CCSER1: variants seen among roughly 807,000 people sequenced by gnomAD.
CCSER1 encodes coiled-coil serine rich protein 1.
Under a neutral mutation model 82.0 loss-of-function variants are expected in CCSER1, and 41 were observed. The observed-to-expected ratio is 0.50, with a 90% CI of 0.39 to 0.65. The LOEUF is 0.65. CCSER1 is among the 30% of genes least tolerant of loss of function. The pLI is 0.00. For synonymous variants in CCSER1, 414 were observed against 383.9 expected (o/e 1.08, Z -0.92); for missense variants, 1,119 against 1,064.2 (o/e 1.05, Z -0.72).
intron 3 of CCSER1, among the ~76,000 whole-genome samples, chr4:90,390,943 G>A (rs1314322213): frequency 1.3e-5 from 2 of 151,852 alleles, no homozygotes; most frequent in African/African-American, 2.4e-5. Flanking sequence ...GCCTTGCAAG[G>A]ATCTCTTGTT....
At chr4:90,991,236 T>C (rs1333837221) in intron 9 of CCSER1, among the ~76,000 whole-genome samples, 2 of 151,934 alleles carry the variant, frequency 1.3e-5, no homozygotes, top group Non-Finnish European at 2.9e-5. Context: ...GCCACTCATA[T>C]CCTAAGATTA....
chr4:91,151,344 T>A (rs774942392), intron 10 of CCSER1, among the ~76,000 whole-genome samples: 1 of 152,192 alleles, frequency 6.6e-6, no homozygotes, highest in East Asian at 1.9e-4. Context: ...ATTGCATCTA[T>A]TTTGTTCTTC....
rs148910538 is a variant in CCSER1 at position 90,381,036 on chromosome 4, C to A, written c.1510-19000C>A. On this transcript the variant is annotated intron_variant, in intron 3 of 10. Coordinates refer to ENST00000509176, the MANE Select transcript of CCSER1 (RefSeq NM_001145065.2). Reference sequence around the variant, plus strand: ...ATGGCACCCAGGAGTGCTGGCCCAGCCAGTGTCAAAATCTTCAATGAATGT... The same window carrying A: ...ATGGCACCCAGGAGTGCTGGCCCAGACAGTGTCAAAATCTTCAATGAATGT... Among the ~76,000 whole-genome samples the A allele has an allele frequency of 1.2e-3, 179 of 152,284 alleles. 2 individuals are homozygous for A. Among genetic ancestry groups the A allele is most frequent in the Middle Eastern group, 6.8e-3 (2 of 294 alleles).
intron 10 of CCSER1, among the ~76,000 whole-genome samples, chr4:91,537,241 C>G (rs2110184593): frequency 6.6e-6 from 1 of 152,158 alleles, no homozygotes; most frequent in Non-Finnish European, 1.5e-5. Flanking sequence ...GTTCCAAAGT[C>G]ACACAGCTAG....
rs568789387 is a variant in CCSER1, at chr4:90,493,561, T to A, written c.1724+25207T>A. On this transcript the variant is annotated intron_variant, in intron 5 of 10. Transcript: ENST00000509176. ...GGAAGCCCATCAGACTAACAGCTGA[T>A]CTCTTGCTAGAAACTCTACAAGCCA... is the stretch of plus-strand genomic sequence containing the variant. 1.2e-4 allele frequency among the ~76,000 whole-genome samples: 18 copies of A among 152,302 alleles called. No homozygotes were observed. The South Asian group carries it at 3.7e-3, about 32-fold the overall frequency.
intron 6 of CCSER1, among the ~76,000 whole-genome samples, chr4:90,665,320 T>A (rs1203811548): frequency 8.4e-6 from 1 of 119,204 alleles, no homozygotes; most frequent in Non-Finnish European, 1.8e-5. Flanking sequence ...TATGCTGAGA[T>A]TTTTTTTTCT....
At chr4:90,174,443 G>A (rs553080226) in intron 1 of CCSER1, among the ~76,000 whole-genome samples, 11 of 152,026 alleles carry the variant, frequency 7.2e-5, no homozygotes, top group South Asian at 4.1e-4. Flanking sequence ...ACAATGGATC[G>A]TAAAAATTGG....
rs376852277 is a variant in CCSER1, at chr4:91,317,622, A to G, written c.2217+231628A>G. Among the ~76,000 whole-genome samples the G allele has an allele frequency of 5.3e-3, 720 of 136,934 alleles. 5 individuals carry two copies. The highest frequency in any genetic ancestry group is 0.018 in the African/African-American group (615 of 33,994). The allele number at this position is 136,934 out of a possible 152,430, so 89.8% of individuals were successfully genotyped here. ...TGTGTGCGTGTGTGTGTGTGTGCGCATGTGGGTGTGGGTGCATGCATAATC... is the reference window on the plus strand; with the variant it reads ...TGTGTGCGTGTGTGTGTGTGTGCGCGTGTGGGTGTGGGTGCATGCATAATC... On this transcript the variant is annotated intron_variant, in intron 10 of 10. Transcript: ENST00000509176.
intron 9 of CCSER1, among the ~76,000 whole-genome samples, chr4:90,933,016 GAAAGAA>G (rs1730323911): frequency 6.3e-5 from 5 of 79,874 alleles, no homozygotes; most frequent in African/African-American, 4.5e-4. Context: ...AAGAAAGAAA[GAAAGAA>G]AGAAAGAAAG....
chr4:91,529,028 A>G (rs955626197), intron 10 of CCSER1, among the ~76,000 whole-genome samples: 2 of 152,118 alleles, frequency 1.3e-5, no homozygotes, highest in African/African-American at 4.8e-5. Context: ...AATGTGACCA[A>G]TTTTGTTTCT....
chr4:90,705,449 A>G (rs1363388203), intron 6 of CCSER1, among the ~76,000 whole-genome samples: 3 of 152,194 alleles, frequency 2.0e-5, no homozygotes, highest in Non-Finnish European at 4.4e-5. Context: ...CAGTCTGTCC[A>G]TTCTCAGATC....
At chr4:91,376,589 A>T (rs1750429534) in intron 10 of CCSER1, among the ~76,000 whole-genome samples, 2 of 152,182 alleles carry the variant, frequency 1.3e-5, no homozygotes, top group Admixed American at 1.3e-4. Context: ...CACTATCAGA[A>T]TTATGCAAAT....
intron 10 of CCSER1, among the ~76,000 whole-genome samples, chr4:91,529,541 T>G (rs1760921915): frequency 6.6e-6 from 1 of 152,084 alleles, no homozygotes; most frequent in Admixed American, 6.6e-5. Flanking sequence ...TTGTAACAGC[T>G]TGGGAATCAT....
intron 7 of CCSER1, among the ~76,000 whole-genome samples, chr4:90,750,365 T>G (rs1748397637): frequency 1.3e-5 from 2 of 152,126 alleles, no homozygotes; most frequent in Non-Finnish European, 2.9e-5. Flanking sequence ...AGAAGTTGCT[T>G]GGGTGCATGG....
chr4:91,268,406 A>C (rs967834495), intron 10 of CCSER1, among the ~76,000 whole-genome samples: 1 of 152,190 alleles, frequency 6.6e-6, no homozygotes, highest in African/African-American at 2.4e-5. Flanking sequence ...ATTATCTCAC[A>C]AATCTGTTAT....
intron 9 of CCSER1, among the ~76,000 whole-genome samples, chr4:90,980,527 A>G (rs1279375102): frequency 6.6e-6 from 1 of 151,856 alleles, no homozygotes; most frequent in Non-Finnish European, 1.5e-5. Context: ...TTGATGAACA[A>G]TAAACTCTAG....
chr4:90,212,028 T>A (rs1484609157), intron 1 of CCSER1, among the ~76,000 whole-genome samples: 1 of 152,244 alleles, frequency 6.6e-6, no homozygotes, highest in African/African-American at 2.4e-5. Context: ...GCTCTCATCA[T>A]ATACCTGCTT....
At chr4:91,079,362 A>G (rs1722421302) in intron 9 of CCSER1, among the ~76,000 whole-genome samples, 2 of 152,216 alleles carry the variant, frequency 1.3e-5, no homozygotes, top group African/African-American at 4.8e-5. Context: ...TCTTTTACAG[A>G]CAAGCAAATG....
intron 9 of CCSER1, chr4:90,951,007 C>G (rs1732854066): frequency 6.6e-6 from 1 of 152,032 alleles, no homozygotes; most frequent in Admixed American, 6.6e-5. Flanking sequence ...CTTTTATAAG[C>G]AAAGTTAAAG....
Sources: allele counts gnomAD v4.1 joint callset (sites outside exome capture counted in the v4.1 genomes callset), GRCh38; gene constraint gnomAD v4.1.1; transcripts MANE v1.5; gene names NCBI Gene and HGNC (gene_info 2026-07-23, HGNC 2026-07-21).